The following DEPTOR variants were observed in gnomAD, a reference collection of about 807,000 sequenced individuals.
The protein encoded by DEPTOR is DEP domain containing MTOR interacting protein, also known as DEP domain-containing mTOR-interacting protein.
Under a neutral mutation model 41.6 loss-of-function variants are expected in DEPTOR, and 41 were observed. The ratio of observed to expected loss-of-function variants is 0.98; its 90% CI spans 0.77 to 1.28. The LOEUF (loss-of-function observed/expected upper bound fraction) is 1.28, where lower values mean the gene tolerates loss of function less well. Ranked by LOEUF, DEPTOR falls within the 50% of genes most tolerant of loss-of-function variation. The probability of loss-of-function intolerance (pLI) is 0.00; values close to 1 mark genes in which losing one functional copy is unlikely to be tolerated. For synonymous variants in DEPTOR, 195 were observed against 192.3 expected, an observed-to-expected ratio of 1.01 and a Z score of -0.12; for missense variants, 514 against 527.9, an observed-to-expected ratio of 0.97 and a Z score of 0.26.
intron 2 of DEPTOR, among the ~76,000 whole-genome samples, chr8:119,929,352 G>T (rs1017954492): frequency 2.0e-5 from 3 of 152,086 alleles, no homozygotes; most frequent in African/African-American, 7.2e-5. Context: ...CTGTGTCACT[G>T]TGTTCCTGGG....
intron 3 of DEPTOR, among the ~76,000 whole-genome samples, chr8:119,964,515 CAAAAAA>C (rs536731714): frequency 1.4e-3 from 166 of 121,666 alleles, no homozygotes; most frequent in African/African-American, 5.1e-3. Flanking sequence ...AAGCCCGTCT[CAAAAAA>C]AAAAAAAAAA....
chr8:119,887,706 G>A (rs113206095), intron 1 of DEPTOR, among the ~76,000 whole-genome samples: 4,151 of 150,956 alleles, frequency 0.027, 198 homozygotes, highest in African/African-American at 0.096. Flanking sequence ...CACCATGTTG[G>A]CCAGGCTGGT....
chr8:119,900,581 G>T (rs371945936), intron 1 of DEPTOR, among the ~76,000 whole-genome samples: 1 of 151,486 alleles, frequency 6.6e-6, no homozygotes, highest in South Asian at 2.1e-4. Context: ...GAATGACAAG[G>T]TCTCACTATG....
In DEPTOR at chr8:119,894,938, G is replaced by A. The variant is rs558513372; in HGVS notation, c.122+20970G>A. Among the ~76,000 whole-genome samples the A allele has an allele frequency of 7.9e-5, 12 of 152,290 alleles. No homozygotes were observed. The South Asian group carries it at 2.5e-3, about 32-fold the overall frequency. On this transcript the variant is annotated intron_variant, in intron 1 of 8. Coordinates refer to ENST00000286234, the MANE Select transcript of DEPTOR (RefSeq NM_022783.4). ...TGCATACATTAGAAGGTAGACATTT[G>A]TACCACACGAGGCCATGTGGCTTTG... is the stretch of plus-strand genomic sequence containing the variant.
Position 120,049,757 on chromosome 8 carries a change from G to T in DEPTOR, c.*53G>T. ...GCCTGTGGGTGAGGGAAGCCAGAAT[G>T]ACACAAAGCAATGCAAAGACAAGAT... On this transcript the variant is annotated 3_prime_UTR_variant, in exon 9 of 9. Transcript: ENST00000286234. The T allele has an allele frequency of 6.2e-7, 1 of 1,603,938 alleles. No individual in the cohort carries two copies. Among genetic ancestry groups the T allele is most frequent in the South Asian group, 1.1e-5 (1 of 90,126 alleles).
At chr8:120,022,395 C>A (rs1812733165) in intron 8 of DEPTOR, among the ~76,000 whole-genome samples, 1 of 152,092 alleles carries the variant, frequency 6.6e-6, no homozygotes, top group Non-Finnish European at 1.5e-5. Flanking sequence ...AAAGCAGATA[C>A]ATGGAAATTT....
At chr8:119,907,196 A>G (rs1827674889) in intron 1 of DEPTOR, among the ~76,000 whole-genome samples, 2 of 152,126 alleles carry the variant, frequency 1.3e-5, no homozygotes, top group Non-Finnish European at 2.9e-5. Context: ...CTTCCTACTA[A>G]TGGATGGATT....
At chr8:119,896,842 A>C (rs1167160660) in intron 1 of DEPTOR, among the ~76,000 whole-genome samples, 1 of 152,142 alleles carries the variant, frequency 6.6e-6, no homozygotes, top group Non-Finnish European at 1.5e-5. Flanking sequence ...GCAAAAATTA[A>C]ACTTACATAG....
intron 3 of DEPTOR, among the ~76,000 whole-genome samples, chr8:119,951,562 A>G (rs1483614457): frequency 6.6e-6 from 1 of 152,250 alleles, no homozygotes; most frequent in African/African-American, 2.4e-5. Flanking sequence ...TTCAGAGTGT[A>G]AAACCAACAC....
chr8:119,919,508 A>G (rs1482269277), intron 1 of DEPTOR, among the ~76,000 whole-genome samples: 2 of 152,206 alleles, frequency 1.3e-5, no homozygotes, highest in Non-Finnish European at 2.9e-5. Context: ...ATTAGAAAAT[A>G]AGTTCAGATA....
At chr8:119,877,950 A>C (rs1231486072) in intron 1 of DEPTOR, among the ~76,000 whole-genome samples, 1 of 151,996 alleles carries the variant, frequency 6.6e-6, no homozygotes, top group African/African-American at 2.4e-5. Flanking sequence ...TTGTTTTTTG[A>C]GATGGAGTTT....
At chr8:120,019,261 C>A (rs1004232506) in intron 8 of DEPTOR, among the ~76,000 whole-genome samples, 3 of 152,044 alleles carry the variant, frequency 2.0e-5, no homozygotes, top group Non-Finnish European at 1.5e-5. Flanking sequence ...GCCGAGATTG[C>A]GCCACTGCAC....
At chr8:119,940,438 TATTC>T (rs966333171) in intron 3 of DEPTOR, among the ~76,000 whole-genome samples, 10 of 152,176 alleles carry the variant, frequency 6.6e-5, no homozygotes, top group South Asian at 6.2e-4. Flanking sequence ...AATGGAATAT[TATTC>T]AGCCTTAAAA....
At chr8:119,994,238 C>T (rs1272088044) in intron 4 of DEPTOR, among the ~76,000 whole-genome samples, 5 of 152,070 alleles carry the variant, frequency 3.3e-5, no homozygotes, top group Non-Finnish European at 7.4e-5. Flanking sequence ...ATCGCTTGAA[C>T]CCTGGAGGCG....
chr8:120,038,774 C>T (rs932860895), intron 8 of DEPTOR, among the ~76,000 whole-genome samples: 15 of 152,068 alleles, frequency 9.9e-5, no homozygotes, highest in South Asian at 2.1e-4. Flanking sequence ...GTACAAGTTT[C>T]GAGTCAGATC....
At chr8:119,975,930 G>A (rs1195321101) in intron 4 of DEPTOR, among the ~76,000 whole-genome samples, 1 of 132,306 alleles carries the variant, frequency 7.6e-6, no homozygotes, top group Non-Finnish European at 1.5e-5. Flanking sequence ...GCCCAGGCTG[G>A]AGCACAGTGA....
At chr8:119,984,997 C>T (rs1426715945) in intron 4 of DEPTOR, among the ~76,000 whole-genome samples, 13 of 152,120 alleles carry the variant, frequency 8.5e-5, no homozygotes, top group Non-Finnish European at 1.5e-5. Context: ...CCAGCCTGGC[C>T]TACATAGTGA....
chr8:119,989,694 G>C (rs373304276), intron 4 of DEPTOR, among the ~76,000 whole-genome samples: 3 of 152,172 alleles, frequency 2.0e-5, no homozygotes, highest in Non-Finnish European at 4.4e-5. Context: ...TTGGCACAGG[G>C]CCGTGCACAG....
At chr8:119,954,900 C>A (rs1828399360) in intron 3 of DEPTOR, among the ~76,000 whole-genome samples, 1 of 151,250 alleles carries the variant, frequency 6.6e-6, no homozygotes, top group African/African-American at 2.4e-5. Context: ...GCTCTGTTGC[C>A]CAGACTGGAG....
Sources: gnomAD v4.1 joint callset for allele counts (sites outside exome capture counted in the v4.1 genomes callset) on GRCh38, gnomAD v4.1.1 for gene constraint, MANE v1.5 for transcripts, NCBI Gene and HGNC (gene_info 2026-07-23, HGNC 2026-07-21) for gene names.